The following ARMC1 variants were observed in gnomAD, a reference collection of about 807,000 sequenced individuals.
ARMC1 encodes armadillo repeat-containing protein 1.
Under a neutral mutation model 31.4 loss-of-function variants are expected in ARMC1, and 16 were observed. That is an observed-to-expected ratio of 0.51 (90% CI 0.34 to 0.77). The LOEUF (loss-of-function observed/expected upper bound fraction) is 0.77. Ranked by LOEUF, ARMC1 falls within the 30% of genes least tolerant of loss-of-function variation. The pLI is 0.01. For missense variants in ARMC1, 259 were observed against 347.5 expected, an observed-to-expected ratio of 0.75 and a Z score of 2.02; for synonymous variants, 114 against 118.9, an observed-to-expected ratio of 0.96 and a Z score of 0.27.
chr8:65,613,051 G>A (rs555533809), intron 4 of ARMC1, among the ~76,000 whole-genome samples, 193 bp downstream of exon 4: 4 of 151,766 alleles, frequency 2.6e-5, no homozygotes, highest in East Asian at 1.9e-4. Flanking sequence ...CATATATTTC[G>A]ATGTTCTATT....
intron 2 of ARMC1, 29 bp from the exon 3 acceptor site, chr8:65,622,383 C>T (rs201309127): frequency 9.5e-6 from 15 of 1,581,584 alleles, no homozygotes; most frequent in East Asian, 8.9e-5. Flanking sequence ...TAAGTTAATT[C>T]GTCTGTCCAG....
intron 3 of ARMC1, among the ~76,000 whole-genome samples, chr8:65,619,014 G>T (rs1808337019): frequency 6.6e-6 from 1 of 152,076 alleles, no homozygotes; most frequent in Non-Finnish European, 1.5e-5. Flanking sequence ...CTGCACTACA[G>T]CCTGGGCTAC....
At chr8:65,611,343 C>T (rs1287767926) in intron 4 of ARMC1, among the ~76,000 whole-genome samples, 1 of 152,126 alleles carries the variant, frequency 6.6e-6, no homozygotes, top group East Asian at 1.9e-4. Flanking sequence ...TGACTAGAGG[C>T]TTATCAATTT....
chr8:65,612,130 A>G (rs1002399859), intron 4 of ARMC1, among the ~76,000 whole-genome samples: 12 of 152,042 alleles, frequency 7.9e-5, no homozygotes, highest in African/African-American at 2.4e-4. Flanking sequence ...CAAAATGCTA[A>G]TTTCTCTTTT....
chr8:65,622,278 T>C lies in ARMC1; in HGVS notation c.260A>G (p.Gln87Arg). 6.2e-7 allele frequency: 1 copy of C among 1,613,254 alleles called. No individual in the cohort carries two copies. The highest frequency in any genetic ancestry group is 8.5e-7 in the Non-Finnish European group (1 of 1,179,200). Reference protein sequence around the residue: ...KGELGMMLSLQNVIQKTTTPG... With the variant: ...KGELGMMLSLRNVIQKTTTPG... ...TTGTACTTACTTCTGTATAACATTT[T>C]GTAAGCTCAACATCATACCCAGTTC... is the stretch of plus-strand genomic sequence containing the variant. The change falls in exon 3 of 7, where the codon CAA becomes CGA. Residue 87 changes from glutamine (Q) to arginine (R), a missense_variant. Physicochemically the swap from Gln to Arg is conservative, Grantham distance 43. Around this residue, in one of 3 missense-constraint regions of ARMC1, gnomAD observed 163 missense variants for 186.7 expected, o/e 0.87. Transcript: ENST00000276569.
intron 4 of ARMC1, among the ~76,000 whole-genome samples, chr8:65,612,178 T>C (rs567191050): frequency 2.3e-4 from 35 of 152,330 alleles, no homozygotes; most frequent in African/African-American, 8.2e-4. Flanking sequence ...AATGTGCTAT[T>C]TAGCTAGGTG....
At chr8:65,617,914 T>C (rs557579246) in intron 3 of ARMC1, among the ~76,000 whole-genome samples, 5 of 78,742 alleles carry the variant, frequency 6.3e-5, no homozygotes, top group East Asian at 3.0e-4. Context: ...TAATCCTTTT[T>C]TCGGCGGGGG....
intron 1 of ARMC1, among the ~76,000 whole-genome samples, chr8:65,629,778 A>ACTGGACTGGGC (rs1245592487): frequency 2.3e-4 from 30 of 132,818 alleles, no homozygotes; most frequent in Admixed American, 5.4e-4. Flanking sequence ...CAGCCTGGGC[A>ACTGGACTGGGC]ACAGAGCAAG....
chr8:65,625,946 T>C (rs796153510), intron 2 of ARMC1, among the ~76,000 whole-genome samples: 4 of 151,088 alleles, frequency 2.6e-5, no homozygotes, highest in African/African-American at 9.7e-5. Context: ...TCGAGTGCAA[T>C]GGCACAATCT....
chr8:65,610,049 G>A (rs1343318046), intron 4 of ARMC1, among the ~76,000 whole-genome samples: 1 of 151,810 alleles, frequency 6.6e-6, no homozygotes. Flanking sequence ...GGATTAACAG[G>A]GACCAGATTT....
chr8:65,613,155 C>T lies in ARMC1; in HGVS notation c.465+89G>A, dbSNP rs939665429. 2.4e-5 allele frequency: 26 copies of T among 1,093,356 alleles called. No homozygotes were observed. The Admixed American group carries it at 2.7e-4, about 11-fold the overall frequency. The allele number at this position is 1,093,356 out of a possible 1,614,324, so 67.7% of individuals were successfully genotyped here. ...CTTTTTATCAGTAAAATACTGATAT[C>T]GAGATTTATTCTCAAAGACTGTTAG... On this transcript the variant is annotated intron_variant, in intron 4 of 6. Coordinates refer to ENST00000276569, the MANE Select transcript of ARMC1 (RefSeq NM_018120.6).
chr8:65,614,613 G>A (rs1178224791), intron 3 of ARMC1, among the ~76,000 whole-genome samples: 1 of 152,086 alleles, frequency 6.6e-6, no homozygotes, highest in Non-Finnish European at 1.5e-5. Flanking sequence ...GTACACTCAA[G>A]GCCTTAAAAT....
intron 1 of ARMC1, among the ~76,000 whole-genome samples, chr8:65,631,535 T>C (rs1808644344): frequency 2.0e-5 from 3 of 152,088 alleles, no homozygotes; most frequent in Admixed American, 6.6e-5. Context: ...CGCCTGGCCA[T>C]TGCTTGAATT....
At chr8:65,628,661 C>T (rs552022161) in intron 1 of ARMC1, among the ~76,000 whole-genome samples, 20 of 149,728 alleles carry the variant, frequency 1.3e-4, no homozygotes, top group Admixed American at 1.2e-3. Context: ...AGTTCGAGAT[C>T]AGCCTGGCCA....
intron 4 of ARMC1, among the ~76,000 whole-genome samples, chr8:65,611,327 T>A (rs1808135744): frequency 6.6e-6 from 1 of 152,208 alleles, no homozygotes; most frequent in Non-Finnish European, 1.5e-5. Context: ...TTATTCTTGA[T>A]CTGTCTGACT....
chr8:65,627,545 T>C, intron 1 of ARMC1, 112 bp from the exon 2 acceptor site: 1 of 559,852 alleles, frequency 1.8e-6, no homozygotes, highest in East Asian at 3.4e-5. Flanking sequence ...TAAAACTAAA[T>C]CACATAAAAA....
rs553424573 is a variant in ARMC1 at position 65,605,158 on chromosome 8, C to G, written c.657+105G>C. The G allele has an allele frequency of 1.6e-4, 144 of 909,946 alleles. 1 individual carries two copies. The highest frequency in any genetic ancestry group is 2.3e-4 in the Non-Finnish European group (139 of 599,190). The allele number at this position is 909,946 out of a possible 1,614,324, so 56.4% of individuals were successfully genotyped here. ...AACTGTTAACCAAGAAACAGCACAT[C>G]CTTACATACTTGGCACTATTAATTT... On this transcript the variant is annotated intron_variant, in intron 6 of 6. Transcript: ENST00000276569.
At chr8:65,623,541 G>A (rs1201618171) in intron 2 of ARMC1, among the ~76,000 whole-genome samples, 9 of 151,056 alleles carry the variant, frequency 6.0e-5, no homozygotes, top group Admixed American at 3.3e-4. Context: ...CCCAGGAGGC[G>A]GAGGTTGCAG....
intron 1 of ARMC1, among the ~76,000 whole-genome samples, chr8:65,630,963 C>G (rs1027987087): frequency 6.6e-6 from 1 of 152,134 alleles, no homozygotes; most frequent in Non-Finnish European, 1.5e-5. Flanking sequence ...AATCCTGAGA[C>G]TATTGTACAG....
Sources: gnomAD v4.1 joint callset for allele counts (sites outside exome capture counted in the v4.1 genomes callset) on GRCh38, gnomAD v4.1.1 for gene constraint, gnomAD v4.1.1 regional missense constraint, MANE v1.5 for transcripts, NCBI Gene and HGNC (gene_info 2026-07-23, HGNC 2026-07-21) for gene names.